LINGO2: variants seen among roughly 807,000 people sequenced by gnomAD.
The protein encoded by LINGO2 is leucine rich repeat and Ig domain containing 2.
A neutral mutation model predicts 30.6 loss-of-function variants in LINGO2; 14 were observed. That is an observed-to-expected ratio of 0.46 (90% confidence interval 0.30 to 0.72). The LOEUF (loss-of-function observed/expected upper bound fraction) is 0.72, where lower values mean the gene tolerates loss of function less well. LINGO2 is among the 30% of genes least tolerant of loss of function. The pLI is 0.07. For missense variants in LINGO2, 729 were observed against 751.7 expected (o/e 0.97, Z 0.35); for synonymous variants, 317 against 288.5 (o/e 1.10, Z -1.00).
the LINGO2 span, among the ~76,000 whole-genome samples, chr9:29,008,277 C>T: frequency 1.1e-4 from 16 of 152,014 alleles, no homozygotes; most frequent in Non-Finnish European, 1.5e-5. Context: ...TATGGCTGCA[C>T]AGTATTCCAT....
chr9:28,995,664 T>A, the LINGO2 span, among the ~76,000 whole-genome samples: 1 of 152,274 alleles, frequency 6.6e-6, no homozygotes, highest in Non-Finnish European at 1.5e-5. Flanking sequence ...ATGTGGCACA[T>A]ATACACTATG....
chr9:28,704,489 C>G, the LINGO2 span, among the ~76,000 whole-genome samples: 1 of 151,858 alleles, frequency 6.6e-6, no homozygotes, highest in Non-Finnish European at 1.5e-5. Flanking sequence ...TGAGGACATT[C>G]TGAGTCATAT....
At chr9:28,438,891 A>G (rs1824068051) in intron 2 of LINGO2, among the ~76,000 whole-genome samples, 5 of 132,824 alleles carry the variant, frequency 3.8e-5, no homozygotes. Flanking sequence ...AGTGAAATAT[A>G]TATATTTATA....
chr9:27,979,428 AG>A, intron 5 of LINGO2, among the ~76,000 whole-genome samples: 1 of 152,004 alleles, frequency 6.6e-6, no homozygotes. Flanking sequence ...TTGGTGATCC[AG>A]GGGCAGTCAG....
chr9:29,060,132 C>G, the LINGO2 span, among the ~76,000 whole-genome samples: 1 of 152,114 alleles, frequency 6.6e-6, no homozygotes, highest in Non-Finnish European at 1.5e-5. Flanking sequence ...TTTCTAAAGA[C>G]TGTTCAGCAG....
chr9:28,759,353 C>T, the LINGO2 span, among the ~76,000 whole-genome samples: 1 of 151,974 alleles, frequency 6.6e-6, no homozygotes, highest in African/African-American at 2.4e-5. Flanking sequence ...AAGAGGGTTT[C>T]TGGGTAGATT....
At chr9:29,210,862 A>AT in the LINGO2 span, among the ~76,000 whole-genome samples, 30 of 151,650 alleles carry the variant, frequency 2.0e-4, no homozygotes, top group African/African-American at 3.6e-4. Flanking sequence ...CAGGAAGTAC[A>AT]TTTTTTTTTC....
At chr9:28,527,516 C>G (rs1821080872) in intron 1 of LINGO2, among the ~76,000 whole-genome samples, 1 of 152,046 alleles carries the variant, frequency 6.6e-6, no homozygotes, top group East Asian at 1.9e-4. Flanking sequence ...CATTCTTCAC[C>G]AAGGTCCATC....
At chr9:28,372,893 A>G (rs1820959554) in intron 2 of LINGO2, 25 bp from the exon 5 acceptor site, 1 of 152,540 alleles carries the variant, frequency 6.6e-6, no homozygotes, top group African/African-American at 2.4e-5. Flanking sequence ...ACACACACAA[A>G]AAGGAAACTG....
the LINGO2 span, among the ~76,000 whole-genome samples, chr9:29,183,990 A>C: frequency 6.6e-6 from 1 of 151,952 alleles, no homozygotes; most frequent in Non-Finnish European, 1.5e-5. Flanking sequence ...TTTCATCTTT[A>C]GAGCTTCTTG....
At chr9:28,012,966 G>T (rs556930451) in intron 4 of LINGO2, among the ~76,000 whole-genome samples, 14 of 152,110 alleles carry the variant, frequency 9.2e-5, no homozygotes, top group African/African-American at 3.4e-4. Context: ...TCTGATTGCG[G>T]AATTACATAA....
the LINGO2 span, among the ~76,000 whole-genome samples, chr9:28,832,510 A>G: frequency 8.5e-5 from 13 of 152,158 alleles, no homozygotes; most frequent in Non-Finnish European, 1.5e-4. Flanking sequence ...TCTGTTCTCC[A>G]GAACCACAGA....
At chr9:27,947,064 C>T (rs946085254), downstream of LINGO2, among the ~76,000 whole-genome samples, 1 of 152,136 alleles carries the variant, frequency 6.6e-6, no homozygotes, top group African/African-American at 2.4e-5. Context: ...TCTACTCCAG[C>T]TTACATGTTA....
the LINGO2 span, among the ~76,000 whole-genome samples, chr9:29,208,045 G>A: frequency 6.6e-6 from 1 of 151,874 alleles, no homozygotes; most frequent in Non-Finnish European, 1.5e-5. Context: ...AGTGGTCCTG[G>A]GCAAATTCCA....
At chr9:29,173,373 G>A in the LINGO2 span, among the ~76,000 whole-genome samples, 1 of 152,038 alleles carries the variant, frequency 6.6e-6, no homozygotes, top group African/African-American at 2.4e-5. Context: ...TATACACATG[G>A]CAGATAGAAA....
chr9:28,342,845 C>G (rs1014635903), intron 3 of LINGO2, among the ~76,000 whole-genome samples: 2 of 152,098 alleles, frequency 1.3e-5, no homozygotes, highest in Admixed American at 6.6e-5. Flanking sequence ...GTTAAGTGAG[C>G]ATTTTCTCCT....
chr9:28,482,428 A>G (rs1826008059), intron 1 of LINGO2, among the ~76,000 whole-genome samples: 2 of 152,092 alleles, frequency 1.3e-5, no homozygotes, highest in Non-Finnish European at 2.9e-5. Context: ...TCTTCTTCTG[A>G]GAAGTGTCTG....
At chr9:28,908,390 CTGAT>C in the LINGO2 span, among the ~76,000 whole-genome samples, 1 of 151,728 alleles carries the variant, frequency 6.6e-6, no homozygotes, top group African/African-American at 2.4e-5. Context: ...TTTTATAAGA[CTGAT>C]TATTTCCTCA....
chr9:28,596,190 C>T (rs7024709), intron 1 of LINGO2, among the ~76,000 whole-genome samples: 11,284 of 151,952 alleles, frequency 0.074, 556 homozygotes, highest in African/African-American at 0.14. Flanking sequence ...TTTTTCATAC[C>T]TAATATATGA....
Sources: allele counts gnomAD v4.1 joint callset (sites outside exome capture counted in the v4.1 genomes callset), GRCh38; gene constraint gnomAD v4.1.1; transcripts MANE v1.5; gene names NCBI Gene and HGNC (gene_info 2026-07-23, HGNC 2026-07-21).